DPT: variants seen among roughly 807,000 people sequenced by gnomAD.
DPT encodes tyrosine-rich acidic matrix protein.
In DPT, 21 loss-of-function variants were observed where a neutral mutation model predicts 31.2. The observed-to-expected ratio is 0.67, with a 90% CI of 0.48 to 0.97. DPT has a LOEUF of 0.97. DPT is among the 50% of genes least tolerant of loss of function. The pLI, the probability that DPT is intolerant of heterozygous loss-of-function variation, is 0.00. For missense variants in DPT, 262 were observed against 258.8 expected (o/e 1.01, Z -0.08); for synonymous variants, 91 against 86.9 (o/e 1.05, Z -0.26).
chr1:168,714,295 G>A lies in DPT; in HGVS notation c.357C>T (p.Tyr119=), dbSNP rs576004794. 33 of 1,614,064 alleles carry A rather than the reference G, an allele frequency of 2.0e-5. No homozygotes were observed. The South Asian group carries it at 3.5e-4, about 17-fold the overall frequency. ...ACTCCCGATCCAGCACTGACTCGAA[G>A]TAGCGGCTCTGGAATCCTGCCACCA... ...NGLVAGFQSR[Y]FESVLDREWQ... is the part of the protein sequence containing the mutation. The change falls in exon 2 of 4, where the codon TAC becomes TAT. Residue 119 remains tyrosine (Y), a synonymous_variant. Transcript: ENST00000367817.
chr1:168,715,201 C>G (rs1649954070), intron 1 of DPT, among the ~76,000 whole-genome samples: 1 of 152,234 alleles, frequency 6.6e-6, no homozygotes, highest in Non-Finnish European at 1.5e-5. Flanking sequence ...TTCATTCTAC[C>G]TGTGCTGCTG....
At chr1:168,718,323 G>A (rs1650031653) in intron 1 of DPT, among the ~76,000 whole-genome samples, 1 of 152,234 alleles carries the variant, frequency 6.6e-6, no homozygotes, top group African/African-American at 2.4e-5. Context: ...GCCAGCTGTT[G>A]GCCAGGCTGC....
intron 2 of DPT, among the ~76,000 whole-genome samples, chr1:168,707,796 A>G (rs543516071): frequency 2.0e-5 from 3 of 152,260 alleles, no homozygotes; most frequent in African/African-American, 7.2e-5. Context: ...CATCATGTGA[A>G]GGACATGTTT....
intron 1 of DPT, among the ~76,000 whole-genome samples, chr1:168,720,498 G>GTC (rs761958711): frequency 2.0e-5 from 3 of 152,104 alleles, no homozygotes; most frequent in Non-Finnish European, 2.9e-5. Flanking sequence ...TGTGGTGTGG[G>GTC]GTTGAGTCAA....
intron 1 of DPT, among the ~76,000 whole-genome samples, chr1:168,720,884 A>G (rs1650094495): frequency 6.6e-6 from 1 of 152,244 alleles, no homozygotes; most frequent in Non-Finnish European, 1.5e-5. Context: ...TCAGGCATTT[A>G]TAAAAAGGCC....
chr1:168,708,596 T>C, intron 2 of DPT, among the ~76,000 whole-genome samples: 1 of 152,218 alleles, frequency 6.6e-6, no homozygotes, highest in East Asian at 1.9e-4. Flanking sequence ...TACTTTAAGT[T>C]CTAGGGTACA....
At chr1:168,704,964 C>T (rs1649685705) in intron 2 of DPT, among the ~76,000 whole-genome samples, 2 of 152,134 alleles carry the variant, frequency 1.3e-5, no homozygotes, top group African/African-American at 2.4e-5. Flanking sequence ...ATAGATGTCT[C>T]GGCTCCGTTG....
intron 2 of DPT, 61 bp from the exon 3 acceptor site, chr1:168,701,185 C>T: frequency 1.6e-6 from 2 of 1,250,200 alleles, no homozygotes; most frequent in Admixed American, 1.7e-5. Context: ...TGGGAGCAAA[C>T]AGAAGACACA....
At chr1:168,723,334 C>G (rs1650164965) in intron 1 of DPT, among the ~76,000 whole-genome samples, 1 of 152,234 alleles carries the variant, frequency 6.6e-6, no homozygotes, top group Admixed American at 6.5e-5. Flanking sequence ...CACCTGGATT[C>G]CAATACTGTT....
At position 168,710,693 on chromosome 1, in the gene DPT, G is replaced by GT. The variant is rs1270419754; in HGVS notation, c.431+3527dup. ...AGCTTGAGAAGCCTTTCTAAAGTAT[G>GT]TGAGAGGAACGATACCTAGCATTCT... On this transcript the variant is annotated intron_variant, in intron 2 of 3. Coordinates refer to ENST00000367817, the MANE Select transcript of DPT (RefSeq NM_001937.5). 3.3e-4 allele frequency among the ~76,000 whole-genome samples: 50 copies of GT among 151,880 alleles called. No homozygotes were observed. In the East Asian group the frequency reaches 8.3e-3, roughly 25 times the overall value.
At chr1:168,711,403 T>C (rs1277222765) in intron 2 of DPT, among the ~76,000 whole-genome samples, 1 of 151,662 alleles carries the variant, frequency 6.6e-6, no homozygotes, top group Non-Finnish European at 1.5e-5. Context: ...CCACTATCTG[T>C]TGTTGTTCTG....
chr1:168,716,552 TTTTAC>T (rs67439871), intron 1 of DPT, among the ~76,000 whole-genome samples: 3,908 of 152,274 alleles, frequency 0.026, 70 homozygotes, highest in African/African-American at 0.036. Flanking sequence ...TTTTCTTTTA[TTTTAC>T]TTTAAGTTCC....
intron 1 of DPT, among the ~76,000 whole-genome samples, chr1:168,726,479 C>G (rs886775949): frequency 1.3e-5 from 2 of 152,318 alleles, no homozygotes; most frequent in African/African-American, 4.8e-5. Flanking sequence ...GTGGAGCCTT[C>G]AGAGATCATG....
chr1:168,727,059 T>C (rs574769612), intron 1 of DPT, among the ~76,000 whole-genome samples: 1 of 152,216 alleles, frequency 6.6e-6, no homozygotes, highest in Non-Finnish European at 1.5e-5. Context: ...GGGCTTCTGC[T>C]GTGGTCTTGC....
At chr1:168,709,277 G>C (rs1240348394) in intron 2 of DPT, among the ~76,000 whole-genome samples, 1 of 152,204 alleles carries the variant, frequency 6.6e-6, no homozygotes. Context: ...TTGGAGAAGA[G>C]AGATTATGAC....
chr1:168,727,611 C>T (rs1330600751), intron 1 of DPT, among the ~76,000 whole-genome samples: 3 of 150,844 alleles, frequency 2.0e-5, no homozygotes, highest in Non-Finnish European at 4.4e-5. Flanking sequence ...GAGCATGGCT[C>T]ACTGCAGCCT....
At chr1:168,707,661 T>A (rs569795443) in intron 2 of DPT, among the ~76,000 whole-genome samples, 1 of 152,244 alleles carries the variant, frequency 6.6e-6, no homozygotes, top group African/African-American at 2.4e-5. Flanking sequence ...AGAGACCCAG[T>A]GGGAAGTAAT....
chr1:168,697,361 G>T (rs918322766), intron 3 of DPT, among the ~76,000 whole-genome samples: 2 of 152,202 alleles, frequency 1.3e-5, no homozygotes, highest in Admixed American at 1.3e-4. Context: ...CATGCACTGG[G>T]CTCTGTGCTA....
chr1:168,713,106 C>G (rs543619933), intron 2 of DPT, among the ~76,000 whole-genome samples: 3 of 152,296 alleles, frequency 2.0e-5, no homozygotes, highest in South Asian at 2.1e-4. Context: ...TCTACCTCCT[C>G]CACTGCAAGA....
Sources: allele counts gnomAD v4.1 joint callset (sites outside exome capture counted in the v4.1 genomes callset), GRCh38; gene constraint gnomAD v4.1.1; transcripts MANE v1.5; gene names NCBI Gene and HGNC (gene_info 2026-07-23, HGNC 2026-07-21).